Variants in BCL2L13 observed in about 807,000 individuals in gnomAD.
BCL2L13 encodes the protein bcl-2-like protein 13.
Under a neutral mutation model 25.8 loss-of-function variants are expected in BCL2L13, and 13 were observed. The observed-to-expected ratio is 0.50, with a 90% CI of 0.33 to 0.80. BCL2L13 has a LOEUF of 0.80. Ranked by LOEUF, BCL2L13 falls within the 30% of genes least tolerant of loss-of-function variation. The pLI is 0.02. For synonymous variants in BCL2L13, 244 were observed against 230.3 expected (o/e 1.06, Z -0.54); for missense variants, 504 against 574.9 (o/e 0.88, Z 1.26).
chr22:17,638,133 G>A (rs1044370626), upstream of BCL2L13: 1 of 152,128 alleles, frequency 6.6e-6, no homozygotes, highest in African/African-American at 2.4e-5. Context: ...AAGAACTCTC[G>A]GATTCAAGTA....
intron 2 of BCL2L13, among the ~76,000 whole-genome samples, chr22:17,656,114 G>T (rs1201531144): frequency 6.6e-6 from 1 of 151,018 alleles, no homozygotes; most frequent in Admixed American, 6.6e-5. Flanking sequence ...GGTGGCATGC[G>T]CCTGTAGTCC....
intron 2 of BCL2L13, among the ~76,000 whole-genome samples, chr22:17,670,337 T>C (rs935090514): frequency 6.6e-6 from 1 of 151,244 alleles, no homozygotes; most frequent in Non-Finnish European, 1.5e-5. Flanking sequence ...CATTAATGTG[T>C]AGATCAATTT....
chr22:17,722,212 T>C (rs1354228480), intron 6 of BCL2L13, among the ~76,000 whole-genome samples: 1 of 152,140 alleles, frequency 6.6e-6, no homozygotes, highest in Non-Finnish European at 1.5e-5. Context: ...CTATTTTATT[T>C]AATTGGTCTA....
At chr22:17,651,191 G>C (rs1683049150) in intron 1 of BCL2L13, among the ~76,000 whole-genome samples, 2 of 151,680 alleles carry the variant, frequency 1.3e-5, no homozygotes, top group Admixed American at 1.3e-4. Context: ...GTAGAGACAG[G>C]GTTTCACCAT....
intron 1 of BCL2L13, among the ~76,000 whole-genome samples, chr22:17,640,512 TCACA>T (rs1305877652): frequency 6.6e-6 from 1 of 152,128 alleles, no homozygotes; most frequent in East Asian, 1.9e-4. Flanking sequence ...GTATTAAATA[TCACA>T]CACATTAAGC....
chr22:17,724,655 T>A (rs965985177), intron 6 of BCL2L13, among the ~76,000 whole-genome samples: 4 of 152,212 alleles, frequency 2.6e-5, no homozygotes, highest in Non-Finnish European at 4.4e-5. Context: ...TAGAAAGTTT[T>A]TGGTTTTGGT....
At chr22:17,714,209 C>T (rs563436158) in intron 6 of BCL2L13, among the ~76,000 whole-genome samples, 1 of 152,028 alleles carries the variant, frequency 6.6e-6, no homozygotes, top group Non-Finnish European at 1.5e-5. Context: ...AGGAGAAAGG[C>T]GTGAACCCGG....
intron 2 of BCL2L13, among the ~76,000 whole-genome samples, chr22:17,680,044 C>G (rs1023803637): frequency 2.6e-5 from 4 of 151,452 alleles, no homozygotes; most frequent in Admixed American, 6.6e-5. Context: ...GAAGCACCAT[C>G]TCTACTAAAA....
rs202001479 is a variant in BCL2L13, at chr22:17,702,272, A to G, written c.486A>G (p.Gln162=). The G allele has an allele frequency of 1.2e-6, 2 of 1,608,766 alleles. No homozygotes were observed. Among genetic ancestry groups the G allele is most frequent in the Admixed American group, 1.7e-5 (1 of 58,998 alleles). Residue 162 remains glutamine, a synonymous_variant, in exon 6 of 7, where the codon CAA becomes CAG. Coordinates refer to ENST00000317582, the MANE Select transcript of BCL2L13 (RefSeq NM_015367.4). ...TGGTGCCTCTGGTTTTGCTACGACA[A>G]ATGCTTTTGGAATTGACAAGACGTG... The part of the protein sequence containing the change: ...KILVPLVLLR[Q]MLLELTRRGQ...
chr22:17,673,106 A>C (rs2059464482), intron 2 of BCL2L13, among the ~76,000 whole-genome samples: 2 of 152,144 alleles, frequency 1.3e-5, no homozygotes, highest in Admixed American at 1.3e-4. Context: ...GAAGTCTCAT[A>C]TTCTTTATGT....
In BCL2L13 at chr22:17,726,952, C is replaced by T. The variant is rs2535688; in HGVS notation, c.876C>T (p.Asn292=). 0.15 allele frequency: 242,588 copies of T among 1,614,026 alleles called. 20,596 individuals are homozygous for T. The highest frequency in any genetic ancestry group is 0.17 in the Non-Finnish European group (204,211 of 1,179,994). ...DPEEVKSLDS[N]GAGEKSENNS... ...AAGAAGTGAAAAGCTTAGACAGCAACGGAGCTGGAGAGAAGAGTGAGAACA... is the reference window on the plus strand; with the variant it reads ...AAGAAGTGAAAAGCTTAGACAGCAATGGAGCTGGAGAGAAGAGTGAGAACA... The change falls in exon 7 of 7, where the codon AAC becomes AAT. Residue 292 remains asparagine (N), a synonymous_variant. Coordinates refer to ENST00000317582, the MANE Select transcript of BCL2L13 (RefSeq NM_015367.4).
At chr22:17,634,510 A>T (rs2058075098), upstream of BCL2L13, among the ~76,000 whole-genome samples, 1 of 152,126 alleles carries the variant, frequency 6.6e-6, no homozygotes, top group Non-Finnish European at 1.5e-5. Context: ...AATTATTTTT[A>T]CTTTTTTCTG....
intron 1 of BCL2L13, among the ~76,000 whole-genome samples, chr22:17,631,658 A>G (rs1334762225): frequency 6.2e-4 from 24 of 38,942 alleles, no homozygotes; most frequent in Admixed American, 3.9e-3. Flanking sequence ...GTGTGTATGT[A>G]TGTGTGTGTG....
intron 6 of BCL2L13, among the ~76,000 whole-genome samples, chr22:17,724,665 T>C (rs1034678852): frequency 6.6e-6 from 1 of 152,244 alleles, no homozygotes; most frequent in Admixed American, 6.5e-5. Flanking sequence ...TTGGTTTTGG[T>C]TGAAGAATGA....
chr22:17,657,878 T>G (rs2587084), intron 2 of BCL2L13, among the ~76,000 whole-genome samples: 46,826 of 139,088 alleles, frequency 0.34, 8,711 homozygotes, highest in African/African-American at 0.44. Context: ...AGGCTGGAGT[T>G]CAATGGCGAT....
chr22:17,717,488 C>A (rs1395166253), intron 6 of BCL2L13, among the ~76,000 whole-genome samples: 1 of 152,042 alleles, frequency 6.6e-6, no homozygotes. Context: ...TGGGGTCTTA[C>A]CATCTTACCC....
intron 1 of BCL2L13, 140 bp downstream of exon 1, chr22:17,639,026 A>G: frequency 1.5e-6 from 1 of 683,738 alleles, no homozygotes; most frequent in Non-Finnish European, 2.0e-6. Context: ...GTGTGTGTCT[A>G]CACCGGCGCT....
chr22:17,641,182 G>A (rs776487676), intron 1 of BCL2L13, among the ~76,000 whole-genome samples: 3 of 152,012 alleles, frequency 2.0e-5, no homozygotes, highest in African/African-American at 4.8e-5. Flanking sequence ...GAGCCACTGC[G>A]CCCGGCCTAA....
chr22:17,722,643 T>G (rs1405424046), intron 6 of BCL2L13, among the ~76,000 whole-genome samples: 1 of 152,212 alleles, frequency 6.6e-6, no homozygotes, highest in Non-Finnish European at 1.5e-5. Flanking sequence ...CTCAAACTGT[T>G]GTTTTTCAAG....
Sources: allele counts gnomAD v4.1 joint callset (sites outside exome capture counted in the v4.1 genomes callset), GRCh38; gene constraint gnomAD v4.1.1; transcripts MANE v1.5; gene names NCBI Gene and HGNC (gene_info 2026-07-23, HGNC 2026-07-21).